PPP1R3A: variants seen among roughly 807,000 people sequenced by gnomAD.
The protein encoded by PPP1R3A is protein phosphatase 1 regulatory subunit 3A.
In PPP1R3A, 29 loss-of-function variants were observed where a neutral mutation model predicts 41.7. That is an observed-to-expected ratio of 0.70 (90% CI 0.52 to 0.95). The LOEUF is 0.95. Ranked by LOEUF, PPP1R3A falls within the 40% of genes least tolerant of loss-of-function variation. The pLI is 0.00. For synonymous variants in PPP1R3A, 485 were observed against 453.4 expected, an observed-to-expected ratio of 1.07 and a Z score of -0.89; for missense variants, 1,352 against 1,292.4, an observed-to-expected ratio of 1.05 and a Z score of -0.71.
intron 1 of PPP1R3A, among the ~76,000 whole-genome samples, chr7:113,914,336 T>C (rs947638369): frequency 6.6e-6 from 1 of 152,202 alleles, no homozygotes; most frequent in African/African-American, 2.4e-5. Flanking sequence ...GAAATTAATA[T>C]GCATGTCTGT....
chr7:113,887,341 T>C (rs1435293689), intron 1 of PPP1R3A, among the ~76,000 whole-genome samples: 1 of 151,988 alleles, frequency 6.6e-6, no homozygotes, highest in African/African-American at 2.4e-5. Context: ...AATATAGTCA[T>C]CTATATTATT....
At chr7:113,903,965 A>G (rs1797105634) in intron 1 of PPP1R3A, among the ~76,000 whole-genome samples, 1 of 151,658 alleles carries the variant, frequency 6.6e-6, no homozygotes, top group Non-Finnish European at 1.5e-5. Context: ...GTCAAATTCA[A>G]TTCCTCTGTG....
In PPP1R3A at chr7:113,879,990, C is replaced by T. The variant is rs764427747; in HGVS notation, c.1102G>A (p.Asp368Asn). 5.6e-6 allele frequency: 9 copies of T among 1,613,194 alleles called. No individual in the cohort carries two copies. The highest frequency in any genetic ancestry group is 7.6e-6 in the Non-Finnish European group (9 of 1,179,506). Residue 368 changes from aspartate (D) to asparagine (N), a missense_variant, in exon 4 of 4, where the codon GAC becomes AAC. Transcript: ENST00000284601. ...GGAGACAGAGACCTTTGGAACAAGTCAGTACATATTTCACCATGGATTTGC... is the reference window on the plus strand; with the variant it reads ...GGAGACAGAGACCTTTGGAACAAGTTAGTACATATTTCACCATGGATTTGC... ...KKQIHGEICT[D>N]LFQRSLSPSS...
At chr7:113,892,755 G>A (rs1324081575) in intron 1 of PPP1R3A, among the ~76,000 whole-genome samples, 1 of 151,992 alleles carries the variant, frequency 6.6e-6, no homozygotes, top group Non-Finnish European at 1.5e-5. Flanking sequence ...AAAACGAAAT[G>A]AATACAGTTT....
At chr7:113,894,438 G>A (rs1175743537) in intron 1 of PPP1R3A, among the ~76,000 whole-genome samples, 2 of 151,872 alleles carry the variant, frequency 1.3e-5, no homozygotes, top group Admixed American at 6.6e-5. Context: ...TTTTACCTGC[G>A]TTCTTAAACA....
chr7:113,915,485 A>T (rs1797322663), intron 1 of PPP1R3A, among the ~76,000 whole-genome samples: 1 of 151,238 alleles, frequency 6.6e-6, no homozygotes, highest in Non-Finnish European at 1.5e-5. Flanking sequence ...CTGATATTAC[A>T]TACTATTACT....
In PPP1R3A at chr7:113,878,873, G is replaced by A. The variant is rs1796625370; in HGVS notation, c.2219C>T (p.Thr740Ile). 6.2e-7 allele frequency: 1 copy of A among 1,612,894 alleles called. No individual in the cohort carries two copies. Among genetic ancestry groups the A allele is most frequent in the Admixed American group, 1.7e-5 (1 of 59,880 alleles). The change falls in exon 4 of 4, where the codon ACT becomes ATT. Residue 740 changes from threonine to isoleucine, a missense_variant. Transcript: ENST00000284601. ...TTCTCTAGCAGACATGCTTTCTGGAGTACTTTCTGATGTTGTCTTAATTAT... is the reference window on the plus strand; with the variant it reads ...TTCTCTAGCAGACATGCTTTCTGGAATACTTTCTGATGTTGTCTTAATTAT... ...AYIIKTTSES[T>I]PESMSAREKA... is the part of the protein sequence containing the mutation.
intron 1 of PPP1R3A, among the ~76,000 whole-genome samples, chr7:113,898,017 A>G (rs1192883159): frequency 6.6e-6 from 1 of 151,822 alleles, no homozygotes; most frequent in African/African-American, 2.4e-5. Flanking sequence ...ACAGGACATT[A>G]TAGTCAATAC....
At chr7:113,890,051 T>G (rs1242245853) in intron 1 of PPP1R3A, among the ~76,000 whole-genome samples, 1 of 150,996 alleles carries the variant, frequency 6.6e-6, no homozygotes, top group Admixed American at 6.6e-5. Flanking sequence ...ATTCCAAGCT[T>G]AAGGCATTAT....
At chr7:113,893,057 T>C (rs1796919595) in intron 1 of PPP1R3A, among the ~76,000 whole-genome samples, 1 of 151,944 alleles carries the variant, frequency 6.6e-6, no homozygotes, top group South Asian at 2.1e-4. Flanking sequence ...ATAAAGGGAC[T>C]TCCTTGCTGC....
At chr7:113,910,885 C>T (rs1797233571) in intron 1 of PPP1R3A, among the ~76,000 whole-genome samples, 1 of 152,084 alleles carries the variant, frequency 6.6e-6, no homozygotes, top group Non-Finnish European at 1.5e-5. Flanking sequence ...TTTCACTATT[C>T]AGTATAATTT....
intron 1 of PPP1R3A, among the ~76,000 whole-genome samples, chr7:113,889,395 T>C (rs541453833): frequency 2.6e-5 from 4 of 152,270 alleles, no homozygotes; most frequent in African/African-American, 9.6e-5. Context: ...CCACCATTAC[T>C]TGACATGGAG....
intron 1 of PPP1R3A, among the ~76,000 whole-genome samples, chr7:113,909,486 C>T (rs1797208374): frequency 6.6e-6 from 1 of 150,712 alleles, no homozygotes; most frequent in South Asian, 2.1e-4. Context: ...TTGGAGAGTG[C>T]CTTAGTTAAA....
In PPP1R3A at chr7:113,878,917, T is replaced by C. The variant is rs763102435; in HGVS notation, c.2175A>G (p.Ala725=). The C allele has an allele frequency of 1.2e-6, 2 of 1,613,106 alleles. No homozygotes were observed. The highest frequency in any genetic ancestry group is 1.7e-6 in the Non-Finnish European group (2 of 1,179,768). The change falls in exon 4 of 4, where the codon GCA becomes GCG. Residue 725 remains alanine (A), a synonymous_variant. Coordinates refer to ENST00000284601, the MANE Select transcript of PPP1R3A (RefSeq NM_002711.4). ...TAATTATATAGGCTGTACCAGCTTC[T>C]GCTTTCTCAGTAATGCCATGATCAG... is the stretch of plus-strand genomic sequence containing the variant. ...SLADHGITEK[A]EAGTAYIIKT...
Position 113,879,652 on chromosome 7 carries a change from T to C in PPP1R3A, c.1440A>G (p.Lys480=), listed in dbSNP as rs1796648820. 1 of 1,613,162 alleles carries C rather than the reference T, an allele frequency of 6.2e-7. No homozygotes were observed. The highest frequency in any genetic ancestry group is 1.7e-5 in the Admixed American group (1 of 59,812). The change falls in exon 4 of 4, where the codon AAA becomes AAG. Residue 480 remains lysine, a synonymous_variant. Transcript: ENST00000284601. ...HEGGAKNIEV[K]DLGCLRRDFH... ...AATCTCTTCGTAAACATCCCAAATCTTTTACTTCAATATTTTTAGCTCCTC... is the reference window on the plus strand; with the variant it reads ...AATCTCTTCGTAAACATCCCAAATCCTTTACTTCAATATTTTTAGCTCCTC...
In PPP1R3A at chr7:113,878,581, A is replaced by G. The variant is rs1380279981; in HGVS notation, c.2511T>C (p.Cys837=). The stretch of plus-strand genomic sequence containing the variant: ...CCACAGATGTTATATTTCCAGTGCC[A>G]CATTTCTCCCTGTCATGTGTCTTCC... The part of the protein sequence containing the change: ...NPRKTHDREK[C]GTGNITSVEE... Residue 837 remains cysteine, a synonymous_variant, in exon 4 of 4, where the codon TGT becomes TGC. Coordinates refer to ENST00000284601, the MANE Select transcript of PPP1R3A (RefSeq NM_002711.4). 9 of 1,613,614 alleles carry G rather than the reference A, an allele frequency of 5.6e-6. No homozygotes were observed. Among genetic ancestry groups the G allele is most frequent in the Non-Finnish European group, 6.8e-6 (8 of 1,179,706 alleles).
chr7:113,918,225 C>A lies in PPP1R3A; in HGVS notation c.772G>T (p.Val258Leu). ...AAGATATATCCTCACCTTGATTTTA[C>A]CTTTAAGCAGCCTTTTATTTGTCTG... is the stretch of plus-strand genomic sequence containing the variant. ...PNRQIKGCLK[V>L]KSSKEESSVT... The change falls in exon 1 of 4, where the codon GTA (valine) becomes TTA (leucine). Residue 258 changes from valine (V) to leucine (L), a missense_variant. Physicochemically the swap from Val to Leu is conservative, Grantham distance 32. Transcript: ENST00000284601. The A allele has an allele frequency of 6.2e-7, 1 of 1,600,272 alleles. No homozygotes were observed. Among genetic ancestry groups the A allele is most frequent in the Non-Finnish European group, 8.5e-7 (1 of 1,175,390 alleles).
intron 3 of PPP1R3A, among the ~76,000 whole-genome samples, chr7:113,880,554 G>A (rs1796674278): frequency 6.6e-6 from 1 of 151,934 alleles, no homozygotes; most frequent in Admixed American, 6.6e-5. Context: ...TTTCTGCAAA[G>A]CCTCTGCAAA....
intron 1 of PPP1R3A, among the ~76,000 whole-genome samples, chr7:113,905,195 TAC>T (rs1244226163): frequency 2.0e-5 from 3 of 151,726 alleles, no homozygotes; most frequent in African/African-American, 7.2e-5. Context: ...CTATATAAAA[TAC>T]ATAGTTATTT....
Sources: gnomAD v4.1 joint callset for allele counts (sites outside exome capture counted in the v4.1 genomes callset) on GRCh38, gnomAD v4.1.1 for gene constraint, MANE v1.5 for transcripts, NCBI Gene and HGNC (gene_info 2026-07-23, HGNC 2026-07-21) for gene names.